The following FTCDNL1 variants were observed in gnomAD, a reference collection of about 807,000 sequenced individuals.
FTCDNL1 encodes the protein formiminotransferase cyclodeaminase N-terminal like.
FTCDNL1 carries 11 observed loss-of-function variants against 5.9 expected under a neutral mutation model. That is an observed-to-expected ratio of 1.87 (90% confidence interval 1.18 to 3.10). The LOEUF (loss-of-function observed/expected upper bound fraction) is 3.10. Ranked by LOEUF, FTCDNL1 falls within the 30% of genes most tolerant of loss-of-function variation. The pLI is 0.00. For missense variants in FTCDNL1, 115 were observed against 65.5 expected, an observed-to-expected ratio of 1.76 and a Z score of -2.61; for synonymous variants, 58 against 24.8, an observed-to-expected ratio of 2.34 and a Z score of -3.99.
the FTCDNL1 span, among the ~76,000 whole-genome samples, chr2:199,689,381 T>C: frequency 1.3e-5 from 2 of 152,176 alleles, no homozygotes; most frequent in Non-Finnish European, 2.9e-5. Context: ...ATGACGGCCT[T>C]GAAAGGAATT....
chr2:199,677,485 C>T, the FTCDNL1 span, among the ~76,000 whole-genome samples: 5 of 151,952 alleles, frequency 3.3e-5, no homozygotes, highest in African/African-American at 1.2e-4. Flanking sequence ...ATATCCAAGG[C>T]CTTAAGACTA....
chr2:199,753,071 C>T, the FTCDNL1 span, among the ~76,000 whole-genome samples: 3 of 152,062 alleles, frequency 2.0e-5, no homozygotes, highest in Admixed American at 2.0e-4. Flanking sequence ...GGGAGTGAAA[C>T]GGGGCCTTGC....
intron 3 of FTCDNL1, among the ~76,000 whole-genome samples, chr2:199,788,533 TATATG>T (rs1413253299): frequency 2.6e-5 from 4 of 152,194 alleles, no homozygotes; most frequent in African/African-American, 9.6e-5. Flanking sequence ...TAATAAATCC[TATATG>T]ATACAGCAAG....
At chr2:199,697,128 C>T in the FTCDNL1 span, among the ~76,000 whole-genome samples, 1 of 152,064 alleles carries the variant, frequency 6.6e-6, no homozygotes, top group East Asian at 1.9e-4. Flanking sequence ...AAAAATTAGC[C>T]GGGCATGGTG....
Position 199,815,768 on chromosome 2 carries a change from G to A in FTCDNL1, c.398-3044C>T, listed in dbSNP as rs968557695. Among the ~76,000 whole-genome samples, 6 of 152,086 alleles carry A rather than the reference G, an allele frequency of 3.9e-5. No homozygotes were observed. The South Asian group carries it at 8.3e-4, about 21-fold the overall frequency. On this transcript the variant is annotated intron_variant, in intron 4 of 4. Transcript: ENST00000420128. ...TGTAATCCCAGCACTTTGGGAGGCCGAGGTGGGCAGATCACGAGGTCAGGA... is the reference window on the plus strand; with the variant it reads ...TGTAATCCCAGCACTTTGGGAGGCCAAGGTGGGCAGATCACGAGGTCAGGA...
At chr2:199,676,631 A>C in the FTCDNL1 span, among the ~76,000 whole-genome samples, 3 of 152,120 alleles carry the variant, frequency 2.0e-5, no homozygotes, top group African/African-American at 7.2e-5. Context: ...AGAAGTAAAA[A>C]TCAAAGTTCA....
chr2:199,784,310 G>A (rs1298755482), intron 3 of FTCDNL1, among the ~76,000 whole-genome samples: 1 of 152,114 alleles, frequency 6.6e-6, no homozygotes, highest in South Asian at 2.1e-4. Context: ...GGGCATTCTG[G>A]TCTACCTATG....
chr2:199,768,021 T>C (rs1180422526), intron 3 of FTCDNL1, among the ~76,000 whole-genome samples: 1 of 152,204 alleles, frequency 6.6e-6, no homozygotes, highest in African/African-American at 2.4e-5. Flanking sequence ...ACCTGAAACA[T>C]ACATATTTAA....
intron 4 of FTCDNL1, chr2:199,818,955 T>C (rs1458554423): frequency 6.6e-6 from 1 of 152,142 alleles, no homozygotes; most frequent in Non-Finnish European, 1.5e-5. Flanking sequence ...ACACATCCCT[T>C]AGGGTGGGGC....
intron 3 of FTCDNL1, among the ~76,000 whole-genome samples, chr2:199,827,230 G>T (rs1702089964): frequency 6.6e-6 from 1 of 152,182 alleles, no homozygotes; most frequent in Non-Finnish European, 1.5e-5. Flanking sequence ...CAAATTAAAT[G>T]ACACCATAAG....
At chr2:199,692,005 C>T in the FTCDNL1 span, among the ~76,000 whole-genome samples, 1 of 152,130 alleles carries the variant, frequency 6.6e-6, no homozygotes, top group African/African-American at 2.4e-5. Context: ...TAGCAACACT[C>T]ATAAGGTACA....
Position 199,786,497 on chromosome 2 carries a change from A to C in FTCDNL1, c.212-25662T>G, listed in dbSNP as rs139784425. Reference sequence around the variant, plus strand: ...AACTTGATCGAATTCCACTCTTCTCATATTTTTTCTTATTTAGGAGTGACA... The same window carrying C: ...AACTTGATCGAATTCCACTCTTCTCCTATTTTTTCTTATTTAGGAGTGACA... On this transcript the variant is annotated intron_variant, in intron 3 of 3. Coordinates refer to the FTCDNL1 transcript ENST00000416668. Among the ~76,000 whole-genome samples the C allele has an allele frequency of 1.2e-4, 19 of 152,110 alleles. No individual in the cohort carries two copies. In the East Asian group the frequency reaches 3.7e-3, roughly 29 times the overall value.
At chr2:199,677,057 G>A in the FTCDNL1 span, among the ~76,000 whole-genome samples, 1 of 152,164 alleles carries the variant, frequency 6.6e-6, no homozygotes, top group Non-Finnish European at 1.5e-5. Context: ...GCTCATTGTG[G>A]TCATGAGTTA....
chr2:199,687,123 C>T, the FTCDNL1 span, among the ~76,000 whole-genome samples: 21 of 152,178 alleles, frequency 1.4e-4, no homozygotes, highest in Non-Finnish European at 2.8e-4. Flanking sequence ...ATTACAGAAC[C>T]TCCATGCTAA....
intron 1 of FTCDNL1, 23 bp from the exon 2 acceptor site, chr2:199,848,992 A>G (rs1031151373): frequency 4.3e-6 from 3 of 697,726 alleles, no homozygotes; most frequent in East Asian, 2.7e-5. Context: ...AAAAATTTTT[A>G]TGTGTCTCTA....
chr2:199,755,369 A>G, the FTCDNL1 span, among the ~76,000 whole-genome samples: 3 of 152,328 alleles, frequency 2.0e-5, no homozygotes, highest in South Asian at 2.1e-4. Flanking sequence ...CAGCTCCTTC[A>G]GTCTGTCTCA....
the FTCDNL1 span, among the ~76,000 whole-genome samples, chr2:199,688,436 T>C: frequency 1.3e-5 from 2 of 152,066 alleles, no homozygotes; most frequent in Non-Finnish European, 2.9e-5. Context: ...AGTCTAGGAA[T>C]CTGGTGCCCT....
At chr2:199,778,372 T>A (rs188487137) in intron 3 of FTCDNL1, among the ~76,000 whole-genome samples, 1 of 152,248 alleles carries the variant, frequency 6.6e-6, no homozygotes, top group Admixed American at 6.5e-5. Flanking sequence ...ATGGTGACAA[T>A]CTCTACTCAG....
chr2:199,799,079 A>T (rs1048203880), intron 3 of FTCDNL1, among the ~76,000 whole-genome samples: 1 of 152,330 alleles, frequency 6.6e-6, no homozygotes, highest in Middle Eastern at 3.4e-3. Flanking sequence ...CTTTCAGCCC[A>T]GGGTTCCCTC....
Sources: allele counts gnomAD v4.1 joint callset (sites outside exome capture counted in the v4.1 genomes callset), GRCh38; gene constraint gnomAD v4.1.1; transcripts MANE v1.5; gene names NCBI Gene and HGNC (gene_info 2026-07-23, HGNC 2026-07-21).